KIAA1671: variants seen among roughly 807,000 people sequenced by gnomAD.
The protein encoded by KIAA1671 is uncharacterized protein KIAA1671.
KIAA1671 carries 52 observed loss-of-function variants against 131.2 expected under a neutral mutation model. The observed-to-expected ratio is 0.40, with a 90% CI of 0.32 to 0.50. The LOEUF (loss-of-function observed/expected upper bound fraction) is 0.50. KIAA1671 is among the 20% of genes least tolerant of loss of function. The pLI, the probability that KIAA1671 is intolerant of heterozygous loss-of-function variation, is 0.73. For synonymous variants in KIAA1671, 1,003 were observed against 961.6 expected (o/e 1.04, Z -0.80); for missense variants, 2,360 against 2,364.2 (o/e 1.00, Z 0.04).
chr22:24,990,473 G>A (rs1186560247), intron 1 of KIAA1671, among the ~76,000 whole-genome samples: 1 of 152,148 alleles, frequency 6.6e-6, no homozygotes, highest in East Asian at 1.9e-4. Context: ...CCTACCTCCT[G>A]GAAACATGTT....
intron 6 of KIAA1671, among the ~76,000 whole-genome samples, chr22:25,071,855 C>A (rs1214438288): frequency 2.6e-5 from 4 of 152,180 alleles, no homozygotes; most frequent in Admixed American, 2.6e-4. Flanking sequence ...AGGAGCAAGA[C>A]GGCATGGTCC....
chr22:25,019,760 C>T (rs2123889193), intron 1 of KIAA1671, among the ~76,000 whole-genome samples: 1 of 152,084 alleles, frequency 6.6e-6, no homozygotes, highest in Admixed American at 6.5e-5. Context: ...TACCCCCTTA[C>T]CTTTGGCTGA....
intron 2 of KIAA1671, among the ~76,000 whole-genome samples, chr22:25,026,154 G>T (rs944127493): frequency 2.0e-4 from 31 of 152,192 alleles, no homozygotes; most frequent in Non-Finnish European, 3.8e-4. Flanking sequence ...ACCATCGAGC[G>T]TGTAAGGAAG....
chr22:25,168,325 A>G (rs1933715311), intron 6 of KIAA1671, among the ~76,000 whole-genome samples: 1 of 152,206 alleles, frequency 6.6e-6, no homozygotes, highest in Non-Finnish European at 1.5e-5. Context: ...GGTGCCTAGC[A>G]TGTAGTAGGA....
intron 6 of KIAA1671, among the ~76,000 whole-genome samples, chr22:25,133,895 A>G (rs1932560391): frequency 1.3e-5 from 2 of 152,178 alleles, no homozygotes; most frequent in Non-Finnish European, 2.9e-5. Context: ...GCATAGATGT[A>G]TACATCACCC....
intron 6 of KIAA1671, among the ~76,000 whole-genome samples, chr22:25,088,610 C>T (rs1370872379): frequency 6.6e-6 from 1 of 152,174 alleles, no homozygotes; most frequent in African/African-American, 2.4e-5. Flanking sequence ...AGGGACAGAA[C>T]ATTTAATACA....
chr22:24,994,736 GCGACTCTTTAGGCA>G (rs1187279461), intron 1 of KIAA1671, among the ~76,000 whole-genome samples: 9 of 152,154 alleles, frequency 5.9e-5, no homozygotes, highest in Non-Finnish European at 1.0e-4. Flanking sequence ...TTGCAGAAAG[GCGACTCTTTAGGCA>G]TGTAAGGATC....
chr22:25,142,254 G>A (rs138347169), intron 6 of KIAA1671, among the ~76,000 whole-genome samples: 41 of 152,250 alleles, frequency 2.7e-4, no homozygotes, highest in African/African-American at 8.7e-4. Flanking sequence ...CTCTTAATTC[G>A]TGGGAATGTT....
intron 6 of KIAA1671, among the ~76,000 whole-genome samples, chr22:25,128,384 C>A (rs567878915): frequency 6.6e-6 from 1 of 152,330 alleles, no homozygotes; most frequent in African/African-American, 2.4e-5. Context: ...TAGCTGGCTT[C>A]ACACCAGGTG....
chr22:25,116,760 G>A (rs1931686531), intron 6 of KIAA1671, among the ~76,000 whole-genome samples: 1 of 152,086 alleles, frequency 6.6e-6, no homozygotes, highest in Non-Finnish European at 1.5e-5. Flanking sequence ...CACAACTCTG[G>A]TGCAGGAGAA....
intron 6 of KIAA1671, among the ~76,000 whole-genome samples, chr22:25,170,154 C>A (rs549583952): frequency 1.6e-4 from 24 of 152,238 alleles, no homozygotes; most frequent in African/African-American, 5.3e-4. Context: ...ACCTCGTGAT[C>A]CGCCCACCTC....
chr22:25,128,756 A>T (rs1025506863), intron 6 of KIAA1671, among the ~76,000 whole-genome samples: 1 of 152,212 alleles, frequency 6.6e-6, no homozygotes, highest in Non-Finnish European at 1.5e-5. Context: ...CTAGACTCAC[A>T]GATCTCCATT....
Position 25,001,497 on chromosome 22 carries a change from G to A in KIAA1671, c.-207-24136G>A, listed in dbSNP as rs113111044. On this transcript the variant is annotated intron_variant, in intron 1 of 12. Transcript: ENST00000358431. ...GGAAAGTTGATGCCTGCCCCAATGT[G>A]GACCAGGCCAAGGGGGAGGCTGATA... Among the ~76,000 whole-genome samples the A allele has an allele frequency of 7.4e-3, 1,122 of 152,258 alleles. 22 individuals carry two copies. Among genetic ancestry groups the A allele is most frequent in the African/African-American group, 0.025 (1,036 of 41,532 alleles).
intron 6 of KIAA1671, among the ~76,000 whole-genome samples, chr22:25,092,025 G>A (rs1407599827): frequency 2.0e-5 from 3 of 152,042 alleles, no homozygotes; most frequent in Non-Finnish European, 2.9e-5. Context: ...CAACAAATAC[G>A]TATTGAGTCT....
At chr22:25,056,852 G>GCT (rs1326242710) in intron 6 of KIAA1671, 2 of 149,444 alleles carry the variant, frequency 1.3e-5, no homozygotes, top group African/African-American at 4.9e-5. Flanking sequence ...AGTGAGATGA[G>GCT]CTCCTATGCA....
At chr22:25,183,372 C>G (rs998097605) in intron 10 of KIAA1671, among the ~76,000 whole-genome samples, 6 of 152,012 alleles carry the variant, frequency 3.9e-5, no homozygotes, top group African/African-American at 1.4e-4. Context: ...CAGGCCCTTA[C>G]AGTGTGAACA....
intron 6 of KIAA1671, among the ~76,000 whole-genome samples, chr22:25,134,017 A>C (rs1932567576): frequency 6.6e-6 from 1 of 152,186 alleles, no homozygotes; most frequent in Non-Finnish European, 1.5e-5. Context: ...TATTTAGAGA[A>C]GAGAGCCTCA....
At position 25,195,539 on chromosome 22, in the gene KIAA1671, C is replaced by G. The variant is rs1178496750; in HGVS notation, c.*3138C>G. On this transcript the variant is annotated 3_prime_UTR_variant, in exon 13 of 13. Transcript: ENST00000358431. ...TGTGGTTTCAGACAATTGTGTTTGC[C>G]TTTGTGCCTCCCTGGAAGGGAGGCC... is the stretch of plus-strand genomic sequence containing the variant. 1 of 152,096 alleles carries G rather than the reference C, an allele frequency of 6.6e-6. No individual in the cohort carries two copies. The highest frequency in any genetic ancestry group is 1.5e-5 in the Non-Finnish European group (1 of 68,020). 9.4% of individuals were successfully genotyped at this position (152,096 alleles called of 1,614,324 possible).
intron 1 of KIAA1671, among the ~76,000 whole-genome samples, chr22:24,954,929 C>T (rs113344332): frequency 2.8e-4 from 43 of 152,050 alleles, no homozygotes; most frequent in Non-Finnish European, 5.1e-4. Flanking sequence ...TACAGATGCC[C>T]GCCACTCTGC....
Sources: allele counts gnomAD v4.1 joint callset (sites outside exome capture counted in the v4.1 genomes callset), GRCh38; gene constraint gnomAD v4.1.1; transcripts MANE v1.5; gene names NCBI Gene and HGNC (gene_info 2026-07-23, HGNC 2026-07-21).